Variants in LRRC4C observed in about 807,000 individuals in gnomAD.
The protein encoded by LRRC4C is leucine rich repeat containing 4C.
A neutral mutation model predicts 33.6 loss-of-function variants in LRRC4C; 5 were observed. The ratio of observed to expected loss-of-function variants is 0.15; its 90% CI spans 0.08 to 0.31. The LOEUF (loss-of-function observed/expected upper bound fraction) is 0.31, where lower values mean the gene tolerates loss of function less well. Ranked by LOEUF, LRRC4C falls within the 10% of genes least tolerant of loss-of-function variation. The pLI, the probability that LRRC4C is intolerant of heterozygous loss-of-function variation, is 1.00. For synonymous variants in LRRC4C, 329 were observed against 302.0 expected, an observed-to-expected ratio of 1.09 and a Z score of -0.93; for missense variants, 560 against 796.7, an observed-to-expected ratio of 0.70 and a Z score of 3.58.
At chr11:41,162,322 T>C (rs535005321) in intron 1 of LRRC4C, among the ~76,000 whole-genome samples, 1 of 152,296 alleles carries the variant, frequency 6.6e-6, no homozygotes, top group South Asian at 2.1e-4. Context: ...CTTAATATTT[T>C]CTCTTACTTC....
chr11:41,043,560 AATAAT>A (rs1310352034), intron 1 of LRRC4C, among the ~76,000 whole-genome samples: 3 of 152,126 alleles, frequency 2.0e-5, no homozygotes, highest in South Asian at 4.1e-4. Context: ...TGCCACACTA[AATAAT>A]ATGAGTGCAT....
At chr11:41,150,752 G>A (rs1017882427) in intron 1 of LRRC4C, among the ~76,000 whole-genome samples, 5 of 150,766 alleles carry the variant, frequency 3.3e-5, no homozygotes, top group African/African-American at 1.2e-4. Context: ...TCATGCCACT[G>A]CACAACAGAC....
At chr11:41,332,109 A>G (rs1469013477) in intron 1 of LRRC4C, among the ~76,000 whole-genome samples, 1 of 152,216 alleles carries the variant, frequency 6.6e-6, no homozygotes, top group South Asian at 2.1e-4. Flanking sequence ...GACTTAGAAC[A>G]GTACCTTTCA....
intron 2 of LRRC4C, among the ~76,000 whole-genome samples, chr11:40,827,029 A>G (rs2135514781): frequency 6.6e-6 from 1 of 152,080 alleles, no homozygotes; most frequent in South Asian, 2.1e-4. Flanking sequence ...TTTGAAAACC[A>G]TCCACTAATC....
At chr11:40,859,768 T>G (rs1953981946) in intron 2 of LRRC4C, among the ~76,000 whole-genome samples, 2 of 152,150 alleles carry the variant, frequency 1.3e-5, no homozygotes, top group Admixed American at 1.3e-4. Flanking sequence ...AGCAGTGAAG[T>G]GCTGATACAT....
At chr11:41,167,064 C>T (rs957801684) in intron 1 of LRRC4C, among the ~76,000 whole-genome samples, 3 of 151,972 alleles carry the variant, frequency 2.0e-5, no homozygotes, top group Non-Finnish European at 2.9e-5. Flanking sequence ...ATGGATACAG[C>T]AAAACCAGTG....
intron 1 of LRRC4C, among the ~76,000 whole-genome samples, chr11:41,408,747 T>TAAAAAAAAAAAAAAAAA (rs35914452): frequency 7.6e-6 from 1 of 131,778 alleles, no homozygotes; most frequent in African/African-American, 3.2e-5. Flanking sequence ...TATATTTTTG[T>TAAAAAAAAAAAAAAAAA]AAAAAAAAAA....
chr11:40,460,949 C>A (rs560255877), intron 3 of LRRC4C, among the ~76,000 whole-genome samples: 1 of 152,252 alleles, frequency 6.6e-6, no homozygotes, highest in Non-Finnish European at 1.5e-5. Context: ...CTGTATTTCT[C>A]CTTCCACTGT....
chr11:40,886,966 A>C (rs565142126), intron 2 of LRRC4C, among the ~76,000 whole-genome samples: 11 of 147,458 alleles, frequency 7.5e-5, no homozygotes, highest in Admixed American at 2.0e-4. Context: ...GTGTATATAT[A>C]TACATATATA....
At chr11:41,431,805 T>C (rs1335547647) in intron 1 of LRRC4C, among the ~76,000 whole-genome samples, 1 of 152,170 alleles carries the variant, frequency 6.6e-6, no homozygotes, top group Admixed American at 6.5e-5. Context: ...CTTATGTTTA[T>C]TTAAGAGCAT....
intron 3 of LRRC4C, among the ~76,000 whole-genome samples, chr11:40,496,313 T>G (rs1164580211): frequency 6.6e-6 from 1 of 152,156 alleles, no homozygotes; most frequent in Non-Finnish European, 1.5e-5. Flanking sequence ...TCCAGCTTTG[T>G]GAGGTGTAAC....
chr11:40,231,961 C>G (rs1197961052), intron 5 of LRRC4C, among the ~76,000 whole-genome samples: 5 of 152,106 alleles, frequency 3.3e-5, no homozygotes, highest in African/African-American at 9.7e-5. Context: ...AATCAAGACA[C>G]TAGTGGCTAA....
At chr11:40,121,793 C>T (rs191934203) in intron 6 of LRRC4C, among the ~76,000 whole-genome samples, 37 of 152,270 alleles carry the variant, frequency 2.4e-4, no homozygotes, top group Admixed American at 1.7e-3. Flanking sequence ...TTTGTCTAAA[C>T]GTTAGAACTA....
At chr11:41,177,036 T>C (rs573125310) in intron 1 of LRRC4C, among the ~76,000 whole-genome samples, 72 of 151,044 alleles carry the variant, frequency 4.8e-4, no homozygotes, top group African/African-American at 1.7e-3. Context: ...AACAGAAGAA[T>C]AGTCAGGGGA....
At chr11:41,134,479 C>A (rs879901200) in intron 1 of LRRC4C, among the ~76,000 whole-genome samples, 2 of 152,166 alleles carry the variant, frequency 1.3e-5, no homozygotes, top group Non-Finnish European at 2.9e-5. Context: ...GGAATCTCCT[C>A]ATTGTATGGT....
chr11:40,878,733 C>A (rs1294326267), intron 2 of LRRC4C, among the ~76,000 whole-genome samples: 1 of 152,196 alleles, frequency 6.6e-6, no homozygotes, highest in Non-Finnish European at 1.5e-5. Context: ...ATACCTTGAT[C>A]ACTTTTGGAG....
At chr11:40,860,255 AC>A (rs1176993193) in intron 2 of LRRC4C, among the ~76,000 whole-genome samples, 1 of 152,126 alleles carries the variant, frequency 6.6e-6, no homozygotes, top group Admixed American at 6.5e-5. Context: ...ATTGGTGTTT[AC>A]CAGTGGGTAG....
At chr11:40,807,967 A>G (rs895655685) in intron 2 of LRRC4C, among the ~76,000 whole-genome samples, 2 of 152,198 alleles carry the variant, frequency 1.3e-5, no homozygotes, top group Non-Finnish European at 2.9e-5. Flanking sequence ...CATCAGGTAC[A>G]TCTGGATCTG....
chr11:40,975,296 C>A (rs1044750984), intron 1 of LRRC4C, among the ~76,000 whole-genome samples: 5 of 152,166 alleles, frequency 3.3e-5, no homozygotes, highest in Non-Finnish European at 7.3e-5. Flanking sequence ...TGGTTGTGAT[C>A]TTCCTTCTGA....
Sources: gnomAD v4.1 joint callset for allele counts (sites outside exome capture counted in the v4.1 genomes callset) on GRCh38, gnomAD v4.1.1 for gene constraint, MANE v1.5 for transcripts, NCBI Gene and HGNC (gene_info 2026-07-23, HGNC 2026-07-21) for gene names.